Variants in GRID2IP observed in about 807,000 individuals in gnomAD.
GRID2IP encodes the protein delphilin.
A neutral mutation model predicts 114.3 loss-of-function variants in GRID2IP; 78 were observed. The observed-to-expected ratio is 0.68, with a 90% CI of 0.57 to 0.82. The LOEUF (loss-of-function observed/expected upper bound fraction) is 0.82, where lower values mean the gene tolerates loss of function less well. Ranked by LOEUF, GRID2IP falls within the 40% of genes least tolerant of loss-of-function variation. GRID2IP has a pLI of 0.00. For synonymous variants in GRID2IP, 809 were observed against 724.0 expected, an observed-to-expected ratio of 1.12 and a Z score of -1.89; for missense variants, 1,727 against 1,678.5, an observed-to-expected ratio of 1.03 and a Z score of -0.51.
At chr7:6,525,021 A>G (rs1165189046) in intron 4 of GRID2IP, among the ~76,000 whole-genome samples, 1 of 152,058 alleles carries the variant, frequency 6.6e-6, no homozygotes, top group African/African-American at 2.4e-5. Context: ...ATAAAATAAA[A>G]TAGGCCGAGT....
In GRID2IP at chr7:6,497,430, A is replaced by C. The variant is rs181975960; in HGVS notation, c.*344T>G. Reference sequence around the variant, plus strand: ...AGGAGCAGGATCAGAAAAAAGGTCCACATGTCCCAGGAATGTGGCCACTTT... The same window carrying C: ...AGGAGCAGGATCAGAAAAAAGGTCCCCATGTCCCAGGAATGTGGCCACTTT... On this transcript the variant is annotated 3_prime_UTR_variant, in exon 22 of 22. Transcript: ENST00000457091. The C allele has an allele frequency of 3.4e-3, 717 of 213,276 alleles. No individual in the cohort carries two copies. Among genetic ancestry groups the C allele is most frequent in the Non-Finnish European group, 5.1e-3 (546 of 107,624 alleles). 13.2% of individuals were successfully genotyped at this position (213,276 alleles called of 1,614,324 possible).
intron 1 of GRID2IP, among the ~76,000 whole-genome samples, chr7:6,549,276 T>C (rs1779931869): frequency 6.6e-6 from 1 of 152,218 alleles, no homozygotes; most frequent in South Asian, 2.1e-4. Context: ...ATCCTCCCTC[T>C]TTCCATCCCA....
At chr7:6,543,972 A>G (rs73344970) in intron 1 of GRID2IP, among the ~76,000 whole-genome samples, 2,198 of 151,184 alleles carry the variant, frequency 0.015, 52 homozygotes, top group African/African-American at 0.051. Flanking sequence ...CATTTTGGTA[A>G]TTTTTGTAGA....
chr7:6,511,045 G>C lies in GRID2IP; in HGVS notation c.1424-6C>G, dbSNP rs1222925833. The C allele has an allele frequency of 7.1e-7, 1 of 1,417,752 alleles. No individual in the cohort carries two copies. The highest frequency in any genetic ancestry group is 1.5e-5 in the South Asian group (1 of 66,456). 87.8% of individuals were successfully genotyped at this position (1,417,752 alleles called of 1,614,324 possible). A position where few individuals can be genotyped will look rare whatever the true frequency, so the allele number is the denominator to read the frequency against. ...CAGCTCAGGCTCCGGCTCTGCTGTG[G>C]GACATGCAGGGAACATGGGGCCCTC... On this transcript the variant is annotated splice_region_variant and splice_polypyrimidine_tract_variant and intron_variant, in intron 8 of 21. Coordinates refer to ENST00000457091, the MANE Select transcript of GRID2IP (RefSeq NM_001145118.2).
chr7:6,526,828 G>T lies in GRID2IP; in HGVS notation c.585-59C>A. 1.4e-6 allele frequency: 2 copies of T among 1,414,636 alleles called. No homozygotes were observed. The highest frequency in any genetic ancestry group is 1.8e-6 in the Non-Finnish European group (2 of 1,084,714). 87.6% of individuals were successfully genotyped at this position (1,414,636 alleles called of 1,614,324 possible). ...CCCGGACCCCGGATCTCTGCAAACC[G>T]CGGCCCGAAGGCGCGTCCTCGCGGG... On this transcript the variant is annotated intron_variant, in intron 2 of 21. Transcript: ENST00000457091. This position sits in a 1 kb window ranked among gnomAD's most constrained non-coding sequence, Gnocchi z 7.6.
In GRID2IP at chr7:6,520,159, G is replaced by C. The variant is rs1041440798; in HGVS notation, c.1268+419C>G. Reference sequence around the variant, plus strand: ...TACAAAAAAATTAGCCGGGTGTGGTGGTGGGCACCTGTAATCCCAGCTACT... The same window carrying C: ...TACAAAAAAATTAGCCGGGTGTGGTCGTGGGCACCTGTAATCCCAGCTACT... On this transcript the variant is annotated intron_variant, in intron 7 of 21. Transcript: ENST00000457091. This position sits in a 1 kb window ranked among gnomAD's most constrained non-coding sequence, Gnocchi z 4.6. Among the ~76,000 whole-genome samples, 3 of 152,122 alleles carry C rather than the reference G, an allele frequency of 2.0e-5. No individual in the cohort carries two copies. The highest frequency in any genetic ancestry group is 4.8e-5 in the African/African-American group (2 of 41,422).
rs1167643940 is a variant in GRID2IP at position 6,497,632 on chromosome 7, C to T, written c.*142G>A. 8.4e-6 allele frequency: 5 copies of T among 597,322 alleles called. No homozygotes were observed. The Admixed American group carries it at 9.7e-5, about 12-fold the overall frequency. 37.0% of individuals were successfully genotyped at this position (597,322 alleles called of 1,614,324 possible). ...GGCAGAGGAGGGCCCGACCACAGCTCGGCGGCTGAGGTAGCTGCAGGAGAG... is the reference window on the plus strand; with the variant it reads ...GGCAGAGGAGGGCCCGACCACAGCTTGGCGGCTGAGGTAGCTGCAGGAGAG... On this transcript the variant is annotated 3_prime_UTR_variant, in exon 22 of 22. Coordinates refer to ENST00000457091, the MANE Select transcript of GRID2IP (RefSeq NM_001145118.2).
Position 6,520,972 on chromosome 7 carries a change from T to TTTTG in GRID2IP, c.1085-215_1085-212dup, listed in dbSNP as rs200064929. On this transcript the variant is annotated intron_variant, in intron 6 of 21. Coordinates refer to ENST00000457091, the MANE Select transcript of GRID2IP (RefSeq NM_001145118.2). The surrounding 1 kb of genome is among the most constrained non-coding windows in gnomAD (Gnocchi z 4.6). The stretch of plus-strand genomic sequence containing the variant: ...GTCCCTAAGGCTATACACTAGGGTT[T>TTTTG]TTTGTTTGTTTGTTTTGAGACAGAG... 2.0e-5 allele frequency among the ~76,000 whole-genome samples: 3 copies of TTTTG among 151,966 alleles called. No individual in the cohort carries two copies. The highest frequency in any genetic ancestry group is 4.8e-5 in the African/African-American group (2 of 41,360).
chr7:6,503,892 C>T (rs1350549182), intron 15 of GRID2IP, among the ~76,000 whole-genome samples: 1 of 145,518 alleles, frequency 6.9e-6, no homozygotes, highest in Admixed American at 7.1e-5. Flanking sequence ...GGGGAGAGGA[C>T]GGCGCTTCAA....
rs1346251136 is a variant in GRID2IP at position 6,526,597 on chromosome 7, G to C, written c.757C>G (p.Arg253Gly). Residue 253 changes from arginine (R) to glycine (G), a missense_variant, in exon 3 of 22, where the codon CGC becomes GGC. Transcript: ENST00000457091. This position sits in a 1 kb window ranked among gnomAD's most constrained non-coding sequence, Gnocchi z 7.6. The stretch of plus-strand genomic sequence containing the variant: ...CGCGGGGGCGGCTCATCGGGGCGGC[G>C]CGGCGGGGCGCTGGCGCGCGTGGAC... ...LVSTRASAPPRRPDEPPPRRA... is the reference protein window; with the variant it reads ...LVSTRASAPPGRPDEPPPRRA... The C allele has an allele frequency of 1.8e-5, 22 of 1,191,298 alleles. No individual in the cohort carries two copies. Among genetic ancestry groups the C allele is most frequent in the Non-Finnish European group, 2.3e-5 (22 of 962,890 alleles). The allele number at this position is 1,191,298 out of a possible 1,614,324, so 73.8% of individuals were successfully genotyped here. A position where few individuals can be genotyped will look rare whatever the true frequency, so the allele number is the denominator to read the frequency against.
At chr7:6,515,332 T>G (rs982878147) in intron 7 of GRID2IP, among the ~76,000 whole-genome samples, 1 of 151,908 alleles carries the variant, frequency 6.6e-6, no homozygotes, top group African/African-American at 2.4e-5. Flanking sequence ...CGTGGTGGCA[T>G]GTACCCTCAG....
chr7:6,500,451 G>A (rs567055736), intron 20 of GRID2IP, among the ~76,000 whole-genome samples: 10 of 152,234 alleles, frequency 6.6e-5, no homozygotes, highest in African/African-American at 9.6e-5. Flanking sequence ...GCAACAGAGC[G>A]AGACTCCGTC....
At chr7:6,514,822 C>T (rs1422546316) in intron 7 of GRID2IP, among the ~76,000 whole-genome samples, 1 of 151,650 alleles carries the variant, frequency 6.6e-6, no homozygotes, top group Non-Finnish European at 1.5e-5. Flanking sequence ...TGTGGTGGTG[C>T]ACACCTGTAA....
intron 2 of GRID2IP, among the ~76,000 whole-genome samples, chr7:6,527,226 A>C (rs1779533012): frequency 6.6e-6 from 1 of 151,710 alleles, no homozygotes. Flanking sequence ...GCCCCTCACC[A>C]CGCCTCCAGT....
chr7:6,531,236 C>A, intron 2 of GRID2IP: 1 of 427,564 alleles, frequency 2.3e-6, no homozygotes, highest in Non-Finnish European at 4.1e-6. Context: ...GCCGTCCCGG[C>A]CCGCAGCCCC....
At chr7:6,511,110 G>A (rs1291628151) in intron 8 of GRID2IP, 71 bp from the exon 9 acceptor site, 6 of 1,322,544 alleles carry the variant, frequency 4.5e-6, no homozygotes, top group Non-Finnish European at 4.8e-6. Flanking sequence ...AAAACAGGGA[G>A]GGGAGGGCAG....
rs560101990 is a variant in GRID2IP, at chr7:6,528,083, A to G, written c.585-1314T>C. On this transcript the variant is annotated intron_variant, in intron 2 of 21. Coordinates refer to ENST00000457091, the MANE Select transcript of GRID2IP (RefSeq NM_001145118.2). This position sits in a 1 kb window ranked among gnomAD's most constrained non-coding sequence, Gnocchi z 6.0. ...TTTTTTTCTTTTTAATTTTTTTTGT[A>G]GAGATGAGGCTCTATGTTGCCCAGG... 6.0e-5 allele frequency among the ~76,000 whole-genome samples: 9 copies of G among 151,140 alleles called. 1 individual carries two copies. In the East Asian group the frequency reaches 1.8e-3, roughly 29 times the overall value.
intron 8 of GRID2IP, among the ~76,000 whole-genome samples, chr7:6,513,206 T>G (rs151218663): frequency 2.6e-5 from 4 of 152,158 alleles, no homozygotes; most frequent in African/African-American, 9.6e-5. Flanking sequence ...TGTTGGCATG[T>G]CTGGCAACCA....
In GRID2IP at chr7:6,521,748, C is replaced by T; in HGVS notation, c.989+140G>A. On this transcript the variant is annotated intron_variant, in intron 5 of 21. Coordinates refer to ENST00000457091, the MANE Select transcript of GRID2IP (RefSeq NM_001145118.2). This position sits in a 1 kb window ranked among gnomAD's most constrained non-coding sequence, Gnocchi z 4.1. ...GAGGAGGGTTAGATTCAAGAGTTCC[C>T]ATTGGAAGAGGGACAGACCCTGGGG... 1.4e-6 allele frequency: 1 copy of T among 706,798 alleles called. No homozygotes were observed. Among genetic ancestry groups the T allele is most frequent in the Non-Finnish European group, 2.4e-6 (1 of 415,484 alleles). 43.8% of individuals were successfully genotyped at this position (706,798 alleles called of 1,614,324 possible).
Sources: allele counts gnomAD v4.1 joint callset (sites outside exome capture counted in the v4.1 genomes callset), GRCh38; gene constraint gnomAD v4.1.1; non-coding constraint Gnocchi (gnomAD v3.1); transcripts MANE v1.5; gene names NCBI Gene and HGNC (gene_info 2026-07-23, HGNC 2026-07-21).